Variants in WWP2 observed in about 807,000 individuals in gnomAD.
WWP2 encodes the protein NEDD4-like E3 ubiquitin-protein ligase WWP2.
In WWP2, 57 loss-of-function variants were observed where a neutral mutation model predicts 121.0. The ratio of observed to expected loss-of-function variants is 0.47; its 90% CI spans 0.38 to 0.59. WWP2 has a LOEUF of 0.59. Ranked by LOEUF, WWP2 falls within the 20% of genes least tolerant of loss-of-function variation. WWP2 has a pLI of 0.00. For missense variants in WWP2, 962 were observed against 1,158.9 expected, an observed-to-expected ratio of 0.83 and a Z score of 2.47; for synonymous variants, 449 against 441.3, an observed-to-expected ratio of 1.02 and a Z score of -0.22.
chr16:69,937,302 C>G lies in WWP2; in HGVS notation c.2238+64C>G. 2.5e-6 allele frequency: 4 copies of G among 1,592,046 alleles called. No homozygotes were observed. Among genetic ancestry groups the G allele is most frequent in the Non-Finnish European group, 2.6e-6 (3 of 1,168,894 alleles). The stretch of plus-strand genomic sequence containing the variant: ...TCTGGGGCGATCCTGCTCTGTGATA[C>G]GCTCACTGTGTACCCACAGACACTC... On this transcript the variant is annotated intron_variant, in intron 20 of 23. Transcript: ENST00000359154. The surrounding 1 kb of genome is among the most constrained non-coding windows in gnomAD (Gnocchi z 6.6).
intron 4 of WWP2, among the ~76,000 whole-genome samples, chr16:69,807,563 G>T (rs1392605785): frequency 7.0e-6 from 1 of 143,644 alleles, no homozygotes; most frequent in Non-Finnish European, 1.5e-5. Context: ...AGGCTGCAGC[G>T]AGTTGTTATT....
chr16:69,762,470 T>TGGGCCGGGGGCGGCGCGGCCC (rs2038630795), intron 1 of WWP2, 79 bp downstream of exon 1: 1 of 122,804 alleles, frequency 8.1e-6, no homozygotes, highest in East Asian at 2.3e-4. Context: ...CGGCGCGGGG[T>TGGGCCGGGGGCGGCGCGGCCC]GGGCCGGGGG....
intron 4 of WWP2, among the ~76,000 whole-genome samples, chr16:69,817,996 T>C (rs1159609602): frequency 3.3e-5 from 5 of 152,028 alleles, no homozygotes; most frequent in South Asian, 2.1e-4. Context: ...TGTTTCAAGT[T>C]TTTGATGCCT....
intron 8 of WWP2, among the ~76,000 whole-genome samples, chr16:69,907,234 TAG>T (rs751998645): frequency 1.3e-5 from 2 of 152,190 alleles, no homozygotes; most frequent in Non-Finnish European, 2.9e-5. Flanking sequence ...AGGAGGTTGC[TAG>T]ATGCCTGTGG....
chr16:69,838,963 G>A (rs1031422717), intron 4 of WWP2: 1 of 702,934 alleles, frequency 1.4e-6, no homozygotes, highest in Non-Finnish European at 1.7e-6. Flanking sequence ...TTAAAGGGTT[G>A]TATCTGTAGA....
In WWP2 at chr16:69,799,917, A is replaced by G. The variant is rs2056126367; in HGVS notation, c.340+622A>G. ...CAGTGGCATGGCCCATGGCGGTGGT[A>G]TTGGACCCTCCTTCATAAGGCCTCT... On this transcript the variant is annotated intron_variant, in intron 4 of 23. Coordinates refer to ENST00000359154, the MANE Select transcript of WWP2 (RefSeq NM_001270454.2). The surrounding 1 kb of genome is among the most constrained non-coding windows in gnomAD (Gnocchi z 4.5). 1.3e-5 allele frequency among the ~76,000 whole-genome samples: 2 copies of G among 152,114 alleles called. No individual in the cohort carries two copies. Among genetic ancestry groups the G allele is most frequent in the African/African-American group, 2.4e-5 (1 of 41,414 alleles).
Position 69,799,701 on chromosome 16 carries a change from T to C in WWP2, c.340+406T>C, listed in dbSNP as rs192031205. Among the ~76,000 whole-genome samples, 26 of 152,194 alleles carry C rather than the reference T, an allele frequency of 1.7e-4. No homozygotes were observed. The East Asian group carries it at 5.0e-3, about 29-fold the overall frequency. ...AGCTGTGTGTATACGTATATGTGTGTGTGTGCATGCCTGTGTGCATGTGTG... is the reference window on the plus strand; with the variant it reads ...AGCTGTGTGTATACGTATATGTGTGCGTGTGCATGCCTGTGTGCATGTGTG... On this transcript the variant is annotated intron_variant, in intron 4 of 23. Transcript: ENST00000359154. The surrounding 1 kb of genome is among the most constrained non-coding windows in gnomAD (Gnocchi z 4.5).
In WWP2 at chr16:69,940,129, T is replaced by G; in HGVS notation, c.*189T>G. On this transcript the variant is annotated 3_prime_UTR_variant, in exon 24 of 24. Transcript: ENST00000359154. ...CCCTGCAGTTCCCCCGACCCGCGGA[T>G]GGCAGTCTGGAATAAAGCCCCCTAG... 1.7e-6 allele frequency: 1 copy of G among 593,782 alleles called. No homozygotes were observed. Among genetic ancestry groups the G allele is most frequent in the South Asian group, 2.1e-5 (1 of 47,696 alleles). 36.8% of individuals were successfully genotyped at this position (593,782 alleles called of 1,614,324 possible). A position where few individuals can be genotyped will look rare whatever the true frequency, so the allele number is the denominator to read the frequency against.
At chr16:69,832,511 T>C (rs2056811697) in intron 4 of WWP2, among the ~76,000 whole-genome samples, 1 of 152,212 alleles carries the variant, frequency 6.6e-6, no homozygotes, top group Non-Finnish European at 1.5e-5. Flanking sequence ...TGTCCCCAGT[T>C]GTAGTGTAAC....
In WWP2 at chr16:69,807,967, C is replaced by CA. The variant is rs140998177; in HGVS notation, c.340+8676dup. ...CAAAACCCTATCTCAAACAAACAAA[C>CA]AAAACAAAAAACATTCTTAGTGTTA... On this transcript the variant is annotated intron_variant, in intron 4 of 23. Transcript: ENST00000359154. Among the ~76,000 whole-genome samples, 343 of 152,084 alleles carry CA rather than the reference C, an allele frequency of 2.3e-3. 1 individual carries two copies. The East Asian group carries it at 0.043, about 19-fold the overall frequency.
intron 7 of WWP2, among the ~76,000 whole-genome samples, chr16:69,881,304 G>A (rs112003540): frequency 3.3e-5 from 5 of 152,164 alleles, no homozygotes; most frequent in African/African-American, 1.2e-4. Context: ...CTTGCTGACT[G>A]CACAACACCT....
Position 69,910,137 on chromosome 16 carries a change from C to T in WWP2, c.1004+1287C>T, listed in dbSNP as rs73572192. On this transcript the variant is annotated intron_variant, in intron 9 of 23. Coordinates refer to ENST00000359154, the MANE Select transcript of WWP2 (RefSeq NM_001270454.2). Reference sequence around the variant, plus strand: ...GATCTGTAACCCCCAACCTATCCGCCGCACCCTGATCTAGGTAATTTTGAA... The same window carrying T: ...GATCTGTAACCCCCAACCTATCCGCTGCACCCTGATCTAGGTAATTTTGAA... 1,072 of 168,882 alleles carry T rather than the reference C, an allele frequency of 6.3e-3. 8 individuals are homozygous for T. The highest frequency in any genetic ancestry group is 0.024 in the African/African-American group (1,007 of 41,744). The allele number at this position is 168,882 out of a possible 1,614,324, so 10.5% of individuals were successfully genotyped here. A position where few individuals can be genotyped will look rare whatever the true frequency, so the allele number is the denominator to read the frequency against.
At chr16:69,874,631 A>G (rs2057703555) in intron 7 of WWP2, among the ~76,000 whole-genome samples, 1 of 152,176 alleles carries the variant, frequency 6.6e-6, no homozygotes, top group African/African-American at 2.4e-5. Flanking sequence ...TGGTGGAATC[A>G]AGAAATAGAC....
chr16:69,807,201 A>G (rs1389730385), intron 4 of WWP2, among the ~76,000 whole-genome samples: 1 of 151,806 alleles, frequency 6.6e-6, no homozygotes, highest in East Asian at 1.9e-4. Context: ...ATGCCCGGCT[A>G]ATTTTGTATT....
At chr16:69,930,469 C>A (rs1046610903) in intron 13 of WWP2, among the ~76,000 whole-genome samples, 1 of 152,098 alleles carries the variant, frequency 6.6e-6, no homozygotes, top group African/African-American at 2.4e-5. Flanking sequence ...CATAGCGAGA[C>A]CGTGTCTCCA....
intron 8 of WWP2, among the ~76,000 whole-genome samples, chr16:69,900,048 G>A (rs534612816): frequency 6.6e-6 from 1 of 152,278 alleles, no homozygotes; most frequent in African/African-American, 2.4e-5. Flanking sequence ...ATTTGGGGGT[G>A]TTTAGGTTGC....
chr16:69,831,235 T>C (rs2056787988), intron 4 of WWP2, among the ~76,000 whole-genome samples: 1 of 152,238 alleles, frequency 6.6e-6, no homozygotes, highest in Non-Finnish European at 1.5e-5. Context: ...CTATCATTTG[T>C]ATTCTGAATT....
chr16:69,792,469 C>CATGAAAGAGACTTTCTAGAT (rs1320095145), intron 2 of WWP2, among the ~76,000 whole-genome samples: 1 of 152,172 alleles, frequency 6.6e-6, no homozygotes, highest in East Asian at 1.9e-4. Flanking sequence ...AGATATATTT[C>CATGAAAGAGACTTTCTAGAT]ATGAAAGAGA....
chr16:69,773,010 G>A (rs1032797588), intron 1 of WWP2, among the ~76,000 whole-genome samples: 6 of 152,014 alleles, frequency 3.9e-5, no homozygotes, highest in African/African-American at 1.5e-4. Context: ...AGTTTGAGAA[G>A]GGAACAGAGA....
Sources: gnomAD v4.1 joint callset for allele counts (sites outside exome capture counted in the v4.1 genomes callset) on GRCh38, gnomAD v4.1.1 for gene constraint, Gnocchi (gnomAD v3.1) non-coding constraint, MANE v1.5 for transcripts, NCBI Gene and HGNC (gene_info 2026-07-23, HGNC 2026-07-21) for gene names.